FAM185A: variants seen among roughly 807,000 people sequenced by gnomAD.
The protein encoded by FAM185A is protein FAM185A.
In FAM185A, 21 loss-of-function variants were observed where a neutral mutation model predicts 45.7. That is an observed-to-expected ratio of 0.46 (90% confidence interval 0.33 to 0.66). The LOEUF (loss-of-function observed/expected upper bound fraction) is 0.66, where lower values mean the gene tolerates loss of function less well. Among genes scored for constraint, FAM185A ranks in the 30% least tolerant of loss-of-function variants. The probability of loss-of-function intolerance (pLI) is 0.03; values close to 1 mark genes in which losing one functional copy is unlikely to be tolerated. For synonymous variants in FAM185A, 117 were observed against 194.0 expected, an observed-to-expected ratio of 0.60 and a Z score of 3.30; for missense variants, 305 against 485.4, an observed-to-expected ratio of 0.63 and a Z score of 3.49.
rs982579396 is a variant in FAM185A, at chr7:102,785,821, T to C, written c.932-1514T>C. Among the ~76,000 whole-genome samples the C allele has an allele frequency of 6.0e-5, 9 of 151,006 alleles. No individual in the cohort carries two copies. The East Asian group carries it at 1.4e-3, about 23-fold the overall frequency. On this transcript the variant is annotated intron_variant, in intron 6 of 7. Transcript: ENST00000413034. ...AAAGCAATGGCAACAAAAGCCAAAA[T>C]TGACAAATGGGATCTAATTAAACTA... is the stretch of plus-strand genomic sequence containing the variant.
chr7:102,762,183 T>A (rs111780684), intron 4 of FAM185A, among the ~76,000 whole-genome samples: 1,975 of 152,336 alleles, frequency 0.013, 14 homozygotes, highest in Middle Eastern at 0.037. Context: ...GGCACCAGGT[T>A]TTCTCAGCAC....
intron 2 of FAM185A, among the ~76,000 whole-genome samples, chr7:102,756,663 AAAAC>A (rs1793762891): frequency 6.7e-6 from 1 of 150,322 alleles, no homozygotes; most frequent in Non-Finnish European, 1.5e-5. Context: ...TCTAAAAACA[AAAAC>A]AAAAAACAAT....
At chr7:102,799,637 A>AT (rs1395814046) in intron 7 of FAM185A, among the ~76,000 whole-genome samples, 3 of 152,190 alleles carry the variant, frequency 2.0e-5, no homozygotes, top group Non-Finnish European at 4.4e-5. Context: ...CTCAGTTCAG[A>AT]TTTTGTTATT....
At chr7:102,753,527 T>G (rs1215250073) in intron 2 of FAM185A, among the ~76,000 whole-genome samples, 12 of 152,170 alleles carry the variant, frequency 7.9e-5, no homozygotes, top group Admixed American at 7.9e-4. Flanking sequence ...GGCCTCTACC[T>G]TTTAGATGCC....
intron 7 of FAM185A, among the ~76,000 whole-genome samples, chr7:102,802,460 T>C (rs1390453324): frequency 6.6e-6 from 1 of 151,986 alleles, no homozygotes; most frequent in Non-Finnish European, 1.5e-5. Flanking sequence ...AAAAACAAAA[T>C]CAAGATGGAA....
At chr7:102,838,742 G>A in the FAM185A span, among the ~76,000 whole-genome samples, 1 of 152,266 alleles carries the variant, frequency 6.6e-6, no homozygotes, top group African/African-American at 2.4e-5. Context: ...CAGGCAGTAT[G>A]CTGGGTAAAA....
chr7:102,826,743 A>ATG, the FAM185A span, among the ~76,000 whole-genome samples: 2 of 83,366 alleles, frequency 2.4e-5, no homozygotes, highest in Non-Finnish European at 2.1e-5. Context: ...ATATATATAT[A>ATG]TATATATATA....
the FAM185A span, among the ~76,000 whole-genome samples, chr7:102,834,145 G>GAATAC: frequency 1.1e-5 from 1 of 94,794 alleles, no homozygotes; most frequent in Non-Finnish European, 2.1e-5. Flanking sequence ...AAAGAAAAGA[G>GAATAC]AAGACAAGAG....
In FAM185A at chr7:102,755,413, C is replaced by T. The variant is rs1584273196; in HGVS notation, c.562-2441C>T. On this transcript the variant is annotated intron_variant, in intron 2 of 7. Transcript: ENST00000413034. ...CCAGTTCACCCAGGCCCTGGAAGGC[C>T]AAACAGCTACTCAGCTGCTTAAGCT... is the stretch of plus-strand genomic sequence containing the variant. 1.2e-5 allele frequency: 7 copies of T among 602,528 alleles called. No homozygotes were observed. The East Asian group carries it at 1.9e-4, about 17-fold the overall frequency. The allele number at this position is 602,528 out of a possible 1,614,324, so 37.3% of individuals were successfully genotyped here.
At chr7:102,818,388 C>A in the FAM185A span, among the ~76,000 whole-genome samples, 1 of 152,170 alleles carries the variant, frequency 6.6e-6, no homozygotes, top group South Asian at 2.1e-4. Context: ...TTTCCTTATC[C>A]ATTTTGATGA....
chr7:102,823,881 G>A, the FAM185A span, among the ~76,000 whole-genome samples: 1 of 152,046 alleles, frequency 6.6e-6, no homozygotes, highest in African/African-American at 2.4e-5. Flanking sequence ...CATTATAACT[G>A]ACTCTCACAA....
chr7:102,749,829 T>C (rs1029558638), intron 1 of FAM185A, among the ~76,000 whole-genome samples, 171 bp downstream of exon 1: 5 of 152,236 alleles, frequency 3.3e-5, no homozygotes, highest in African/African-American at 1.2e-4. Context: ...GTCCGAGTAG[T>C]ATTTAAAAAT....
chr7:102,752,036 A>G (rs1793395255), intron 2 of FAM185A, among the ~76,000 whole-genome samples: 3 of 151,988 alleles, frequency 2.0e-5, no homozygotes, highest in Non-Finnish European at 4.4e-5. Context: ...CAAAGTGTAC[A>G]GTGAAACTAA....
the FAM185A span, chr7:102,833,066 C>A: frequency 4.5e-6 from 6 of 1,331,172 alleles, no homozygotes; most frequent in Non-Finnish European, 5.1e-6. Flanking sequence ...CATTTCAGTC[C>A]CTGAAATACA....
the FAM185A span, among the ~76,000 whole-genome samples, chr7:102,823,479 A>G: frequency 4.6e-5 from 7 of 152,318 alleles, no homozygotes; most frequent in East Asian, 1.2e-3. Flanking sequence ...CACAGAGACT[A>G]CACAAATCCC....
At chr7:102,765,283 T>C (rs149587318) in intron 4 of FAM185A, among the ~76,000 whole-genome samples, 7 of 152,194 alleles carry the variant, frequency 4.6e-5, no homozygotes, top group Non-Finnish European at 8.8e-5. Flanking sequence ...TATAAGTTCC[T>C]TGAGTTTCAG....
the FAM185A span, chr7:102,832,735 C>T: frequency 7.6e-7 from 1 of 1,321,668 alleles, no homozygotes; most frequent in Non-Finnish European, 9.9e-7. Context: ...ATACCTCAAC[C>T]ATGGCAAAGA....
chr7:102,846,290 A>C, the FAM185A span, among the ~76,000 whole-genome samples: 1 of 152,218 alleles, frequency 6.6e-6, no homozygotes, highest in Non-Finnish European at 1.5e-5. Context: ...TTTTGTGTTC[A>C]ATCACTGAGC....
intron 7 of FAM185A, among the ~76,000 whole-genome samples, chr7:102,802,147 A>T (rs1162323472): frequency 6.6e-6 from 1 of 152,236 alleles, no homozygotes; most frequent in East Asian, 1.9e-4. Flanking sequence ...ACTGAAAGTC[A>T]ATGAAGAAAA....
Sources: allele counts gnomAD v4.1 joint callset (sites outside exome capture counted in the v4.1 genomes callset), GRCh38; gene constraint gnomAD v4.1.1; transcripts MANE v1.5; gene names NCBI Gene and HGNC (gene_info 2026-07-23, HGNC 2026-07-21).